The following KLHL1 variants were observed in gnomAD, a reference collection of about 807,000 sequenced individuals.
KLHL1 encodes kelch-like protein 1.
In KLHL1, 47 loss-of-function variants were observed where a neutral mutation model predicts 77.7. The ratio of observed to expected loss-of-function variants is 0.60; its 90% CI spans 0.48 to 0.77. KLHL1 has a LOEUF of 0.77. Ranked by LOEUF, KLHL1 falls within the 30% of genes least tolerant of loss-of-function variation. KLHL1 has a pLI of 0.00. For missense variants in KLHL1, 925 were observed against 910.8 expected (o/e 1.02, Z -0.20); for synonymous variants, 360 against 325.2 (o/e 1.11, Z -1.15).
At chr13:69,951,680 A>C (rs1356397237) in intron 3 of KLHL1, among the ~76,000 whole-genome samples, 1 of 151,390 alleles carries the variant, frequency 6.6e-6, no homozygotes, top group African/African-American at 2.4e-5. Flanking sequence ...TTTAACAGGT[A>C]ATTTTTTATG....
At chr13:69,924,394 C>G (rs903954345) in intron 4 of KLHL1, among the ~76,000 whole-genome samples, 1 of 152,080 alleles carries the variant, frequency 6.6e-6, no homozygotes, top group South Asian at 2.1e-4. Flanking sequence ...GCCCATAAAA[C>G]CCCCCAGACT....
intron 5 of KLHL1, among the ~76,000 whole-genome samples, chr13:69,873,079 T>C (rs1243993593): frequency 6.6e-6 from 1 of 152,204 alleles, no homozygotes; most frequent in Admixed American, 6.5e-5. Flanking sequence ...AGTGTTATTG[T>C]CAAAATAATT....
intron 1 of KLHL1, among the ~76,000 whole-genome samples, chr13:70,063,887 T>C (rs1939197466): frequency 6.6e-6 from 1 of 152,120 alleles, no homozygotes; most frequent in Non-Finnish European, 1.5e-5. Flanking sequence ...TAGGTGTGTT[T>C]ATATGATTGG....
At chr13:70,048,150 G>C (rs1886546533) in intron 1 of KLHL1, among the ~76,000 whole-genome samples, 1 of 152,094 alleles carries the variant, frequency 6.6e-6, no homozygotes, top group African/African-American at 2.4e-5. Flanking sequence ...TACATTTTTG[G>C]CAACTTATCT....
At chr13:69,808,587 A>G (rs578122103) in intron 6 of KLHL1, among the ~76,000 whole-genome samples, 47 of 152,260 alleles carry the variant, frequency 3.1e-4, no homozygotes, top group African/African-American at 1.0e-3. Flanking sequence ...ATGATAGCAA[A>G]TTAAAAAAGA....
intron 9 of KLHL1, among the ~76,000 whole-genome samples, chr13:69,708,917 T>C (rs1875753707): frequency 6.6e-6 from 1 of 152,014 alleles, no homozygotes; most frequent in Admixed American, 6.6e-5. Context: ...TTTTAACTCA[T>C]AGACTCCTAA....
chr13:69,960,041 A>G (rs1480165480), intron 3 of KLHL1, among the ~76,000 whole-genome samples: 1 of 151,784 alleles, frequency 6.6e-6, no homozygotes, highest in African/African-American at 2.4e-5. Flanking sequence ...TAAAACTATT[A>G]AGACCAAAAA....
At chr13:70,017,212 C>T (rs1885679924) in intron 1 of KLHL1, among the ~76,000 whole-genome samples, 1 of 152,180 alleles carries the variant, frequency 6.6e-6, no homozygotes, top group Admixed American at 6.5e-5. Context: ...AACACACCTC[C>T]TACTTGCCAT....
intron 5 of KLHL1, among the ~76,000 whole-genome samples, chr13:69,863,427 AT>A (rs902753572): frequency 1.1e-4 from 17 of 151,854 alleles, no homozygotes; most frequent in African/African-American, 3.6e-4. Context: ...TTTGCTTCTC[AT>A]TTTTTTCTCC....
At chr13:69,946,288 T>C (rs1277718844) in intron 3 of KLHL1, among the ~76,000 whole-genome samples, 1 of 152,194 alleles carries the variant, frequency 6.6e-6, no homozygotes, top group Admixed American at 6.6e-5. Flanking sequence ...GCCAAACTTA[T>C]CAAATTATAC....
At chr13:70,012,629 GGC>G (rs1375336540) in intron 1 of KLHL1, among the ~76,000 whole-genome samples, 1 of 152,140 alleles carries the variant, frequency 6.6e-6, no homozygotes, top group Non-Finnish European at 1.5e-5. Context: ...CAAACTCTAA[GGC>G]CAGGCACTGT....
chr13:69,925,057 T>C (rs761366233), intron 4 of KLHL1, among the ~76,000 whole-genome samples: 2 of 152,176 alleles, frequency 1.3e-5, no homozygotes, highest in African/African-American at 2.4e-5. Flanking sequence ...AGGCTGGTAG[T>C]GCAAGCTGGG....
At chr13:69,870,975 G>C (rs749743292) in intron 5 of KLHL1, among the ~76,000 whole-genome samples, 34 of 152,150 alleles carry the variant, frequency 2.2e-4, no homozygotes, top group Middle Eastern at 3.4e-3. Context: ...TATAATTCTA[G>C]GGTCTGGAGG....
At chr13:69,896,601 C>T (rs1289556023) in intron 4 of KLHL1, among the ~76,000 whole-genome samples, 1 of 151,934 alleles carries the variant, frequency 6.6e-6, no homozygotes, top group Non-Finnish European at 1.5e-5. Flanking sequence ...ATCATATATG[C>T]TAAGTACTCT....
intron 1 of KLHL1, among the ~76,000 whole-genome samples, chr13:70,006,537 T>A (rs932506861): frequency 4.0e-5 from 6 of 151,630 alleles, no homozygotes; most frequent in African/African-American, 1.4e-4. Context: ...TGAGAAGGAT[T>A]TGTATTAGTT....
intron 1 of KLHL1, among the ~76,000 whole-genome samples, chr13:70,060,312 G>T (rs1180849836): frequency 1.3e-5 from 2 of 152,112 alleles, no homozygotes; most frequent in East Asian, 1.9e-4. Context: ...GTACACTCTT[G>T]TTGGGAATGT....
chr13:70,038,048 C>T (rs556018270), intron 1 of KLHL1, among the ~76,000 whole-genome samples: 1 of 152,286 alleles, frequency 6.6e-6, no homozygotes, highest in Non-Finnish European at 1.5e-5. Flanking sequence ...CTTACCTTTT[C>T]CCTGCAGGAC....
chr13:69,908,989 C>A (rs1882140498), intron 4 of KLHL1, among the ~76,000 whole-genome samples: 1 of 149,424 alleles, frequency 6.7e-6, no homozygotes, highest in Admixed American at 6.7e-5. Context: ...TAATTAAAGG[C>A]AAATTTAGTT....
chr13:70,012,595 A>G (rs1458898061), intron 1 of KLHL1, among the ~76,000 whole-genome samples: 1 of 152,106 alleles, frequency 6.6e-6, no homozygotes, highest in East Asian at 1.9e-4. Flanking sequence ...AGATTATTCT[A>G]GAAACTCAGA....
Sources: gnomAD v4.1 joint callset for allele counts (sites outside exome capture counted in the v4.1 genomes callset) on GRCh38, gnomAD v4.1.1 for gene constraint, MANE v1.5 for transcripts, NCBI Gene and HGNC (gene_info 2026-07-23, HGNC 2026-07-21) for gene names.